Variants in RAPGEF4 observed in about 807,000 individuals in gnomAD.
The protein encoded by RAPGEF4 is RAP guanine-nucleotide-exchange factor (GEF) 4.
Under a neutral mutation model 147.9 loss-of-function variants are expected in RAPGEF4, and 66 were observed. That is an observed-to-expected ratio of 0.45 (90% confidence interval 0.37 to 0.55). The LOEUF (loss-of-function observed/expected upper bound fraction) is 0.55, where lower values mean the gene tolerates loss of function less well. Ranked by LOEUF, RAPGEF4 falls within the 20% of genes least tolerant of loss-of-function variation. RAPGEF4 has a pLI of 0.00. For synonymous variants in RAPGEF4, 419 were observed against 442.7 expected, an observed-to-expected ratio of 0.95 and a Z score of 0.67; for missense variants, 1,071 against 1,257.3, an observed-to-expected ratio of 0.85 and a Z score of 2.24.
chr2:172,886,917 G>A lies in RAPGEF4; in HGVS notation c.445-30885G>A, dbSNP rs568664262. Among the ~76,000 whole-genome samples the A allele has an allele frequency of 1.8e-3, 268 of 152,318 alleles. 3 individuals carry two copies. In the Middle Eastern group the frequency reaches 0.027, roughly 15 times the overall value. ...TAATTTGAAAAATTGGCCGGGCGCG[G>A]TGGCTCTTGCCTGTAATCCCAGCAC... On this transcript the variant is annotated intron_variant, in intron 4 of 30. Transcript: ENST00000397081.
chr2:173,018,817 T>C lies in RAPGEF4; in HGVS notation c.2155+15T>C, dbSNP rs1161679679. ...TTCCGGAGGAGGTAACAGTCTTAAT[T>C]CATATTTTAGGCTCTGCAAAATGGG... On this transcript the variant is annotated intron_variant, in intron 22 of 30. Coordinates refer to ENST00000397081, the MANE Select transcript of RAPGEF4 (RefSeq NM_007023.4). 2 of 1,611,800 alleles carry C rather than the reference T, an allele frequency of 1.2e-6. No individual in the cohort carries two copies. Among genetic ancestry groups the C allele is most frequent in the Non-Finnish European group, 8.5e-7 (1 of 1,178,936 alleles).
rs777524742 is a variant in RAPGEF4 at position 172,985,475 on chromosome 2, G to A, written c.1132G>A (p.Ala378Thr). The change falls in exon 12 of 31, where the codon GCC becomes ACC. Residue 378 changes from alanine (A) to threonine (T), a missense_variant. Coordinates refer to ENST00000397081, the MANE Select transcript of RAPGEF4 (RefSeq NM_007023.4). Reference protein sequence around the residue: ...LAGVLIFESHAKGGTVLFNQG... With the variant: ...LAGVLIFESHTKGGTVLFNQG... ...AGGTGTTCTCATTTTTGAGTCTCAC[G>A]CCAAAGGAGGGACTGTGTGTAAGTG... is the stretch of plus-strand genomic sequence containing the variant. The A allele has an allele frequency of 5.6e-6, 9 of 1,613,848 alleles. No homozygotes were observed. Among genetic ancestry groups the A allele is most frequent in the Admixed American group, 1.7e-5 (1 of 59,950 alleles).
chr2:173,030,838 G>A (rs1697124648), intron 26 of RAPGEF4, among the ~76,000 whole-genome samples: 2 of 152,178 alleles, frequency 1.3e-5, no homozygotes, highest in South Asian at 4.1e-4. Flanking sequence ...GTGAGTCTCT[G>A]TAGCAAATAT....
Position 173,051,759 on chromosome 2 carries a change from C to T in RAPGEF4, c.3028C>T (p.Arg1010Ter), listed in dbSNP as rs761012829. 9.9e-6 allele frequency: 16 copies of T among 1,613,372 alleles called. No individual in the cohort carries two copies. The highest frequency in any genetic ancestry group is 1.6e-4 in the Middle Eastern group (1 of 6,084). ...GATGTCACACAGATTAGAGCCTCGTCGACCATAGACATTTCAAATGCCCAA... is the reference window on the plus strand; with the variant it reads ...GATGTCACACAGATTAGAGCCTCGTTGACCATAGACATTTCAAATGCCCAA... ...SQMSHRLEPRRP is the reference protein window; with the variant it reads ...SQMSHRLEPR Residue 1010 changes from arginine to a stop codon, truncating the protein, a stop_gained, in exon 31 of 31, where the codon CGA becomes TGA. Coordinates refer to ENST00000397081, the MANE Select transcript of RAPGEF4 (RefSeq NM_007023.4). LOFTEE classifies it high-confidence loss of function.
chr2:172,754,435 T>C (rs1421420239), intron 1 of RAPGEF4, among the ~76,000 whole-genome samples: 1 of 152,220 alleles, frequency 6.6e-6, no homozygotes, highest in Non-Finnish European at 1.5e-5. Context: ...GATGGAGAGA[T>C]ATCTATAGAA....
chr2:172,821,964 T>C (rs1689115523), intron 4 of RAPGEF4: 1 of 1,613,760 alleles, frequency 6.2e-7, no homozygotes, highest in Non-Finnish European at 8.5e-7. Context: ...AAGAAGGACG[T>C]ATGCTCTACA....
rs1326702485 is a variant in RAPGEF4, at chr2:172,860,096, G to A, written c.444+45671G>A. 13 of 985,170 alleles carry A rather than the reference G, an allele frequency of 1.3e-5. No individual in the cohort carries two copies. In the South Asian group the frequency reaches 1.4e-4, roughly 11 times the overall value. 61.0% of individuals were successfully genotyped at this position (985,170 alleles called of 1,614,324 possible). On this transcript the variant is annotated intron_variant, in intron 4 of 30. Coordinates refer to ENST00000397081, the MANE Select transcript of RAPGEF4 (RefSeq NM_007023.4). ...GGCTAAAGAAAGGTAGGATGCATAC[G>A]CAGAAACATTAGTGCTAATATGCTG... is the stretch of plus-strand genomic sequence containing the variant.
chr2:172,913,466 C>A lies in RAPGEF4; in HGVS notation c.445-4336C>A, dbSNP rs563109894. On this transcript the variant is annotated intron_variant, in intron 4 of 30. Coordinates refer to ENST00000397081, the MANE Select transcript of RAPGEF4 (RefSeq NM_007023.4). ...TTGTCTGGAGCCTCATCTGCGAATA[C>A]TTGAATGACAAAAGTGACTTGAGTG... Among the ~76,000 whole-genome samples the A allele has an allele frequency of 3.3e-5, 5 of 152,300 alleles. No individual in the cohort carries two copies. In the South Asian group the frequency reaches 8.3e-4, roughly 25 times the overall value.
Position 172,877,538 on chromosome 2 carries a change from A to G in RAPGEF4, c.445-40264A>G, listed in dbSNP as rs569771424. ...TCAGAACTTAAAGTATAAAAAAAAA[A>G]AAAAGAAAAGAAATGAGTTTAAAGT... On this transcript the variant is annotated intron_variant, in intron 4 of 30. Transcript: ENST00000397081. Among the ~76,000 whole-genome samples the G allele has an allele frequency of 5.3e-5, 8 of 152,182 alleles. No individual in the cohort carries two copies. In the East Asian group the frequency reaches 5.8e-4, roughly 11 times the overall value.
chr2:172,949,800 T>C (rs573699844), intron 6 of RAPGEF4, among the ~76,000 whole-genome samples: 1 of 152,352 alleles, frequency 6.6e-6, no homozygotes, highest in East Asian at 1.9e-4. Context: ...GCACAGGTAT[T>C]TTTATTCAAA....
intron 4 of RAPGEF4, among the ~76,000 whole-genome samples, chr2:172,817,903 TTA>T (rs199874683): frequency 0.1 from 14,757 of 144,416 alleles, 903 homozygotes; most frequent in East Asian, 0.25. Flanking sequence ...TATATCACAA[TTA>T]TATATATATA....
chr2:172,861,011 C>T (rs1283371098), intron 4 of RAPGEF4, among the ~76,000 whole-genome samples: 1 of 152,102 alleles, frequency 6.6e-6, no homozygotes, highest in Non-Finnish European at 1.5e-5. Context: ...AAAGTTTTTG[C>T]CTCAAATCTC....
intron 4 of RAPGEF4, among the ~76,000 whole-genome samples, chr2:172,864,190 C>T (rs1383356256): frequency 2.0e-5 from 3 of 152,014 alleles, no homozygotes; most frequent in South Asian, 2.1e-4. Context: ...TTTTCACAAA[C>T]GAGGATGAGA....
At chr2:172,818,671 G>A (rs139446592) in intron 4 of RAPGEF4, among the ~76,000 whole-genome samples, 129 of 152,294 alleles carry the variant, frequency 8.5e-4, no homozygotes, top group African/African-American at 3.0e-3. Context: ...TCAGGATTCT[G>A]TGTTGCTTCT....
intron 4 of RAPGEF4, among the ~76,000 whole-genome samples, chr2:172,914,013 T>C (rs1057457483): frequency 5.9e-5 from 9 of 152,346 alleles, no homozygotes; most frequent in African/African-American, 2.2e-4. Flanking sequence ...CACCATGCTG[T>C]AGTTTGCTTT....
chr2:172,953,096 T>A (rs2592940), intron 6 of RAPGEF4, among the ~76,000 whole-genome samples: 145,245 of 152,076 alleles, frequency 0.96, 69,744 homozygotes, highest in East Asian at 1. Flanking sequence ...CTCTTCTTAC[T>A]GTCAGATACA....
rs369673287 is a variant in RAPGEF4, at chr2:173,032,666, AGTCTT to A, written c.2650-1247_2650-1243del. ...TAGTCTCCCCTAAGTGAGGGCATCAAGTCTTCCTGAACCCTAACTTGAAATGCCAG... is the reference window on the plus strand; with the variant it reads ...TAGTCTCCCCTAAGTGAGGGCATCAACCTGAACCCTAACTTGAAATGCCAG... On this transcript the variant is annotated intron_variant, in intron 26 of 30. Coordinates refer to ENST00000397081, the MANE Select transcript of RAPGEF4 (RefSeq NM_007023.4). Among the ~76,000 whole-genome samples, 357 of 152,336 alleles carry A rather than the reference AGTCTT, an allele frequency of 2.3e-3. 2 individuals are homozygous for A. The highest frequency in any genetic ancestry group is 8.3e-3 in the African/African-American group (347 of 41,580).
chr2:173,028,551 T>G (rs1696876137), intron 25 of RAPGEF4, among the ~76,000 whole-genome samples: 1 of 151,936 alleles, frequency 6.6e-6, no homozygotes, highest in African/African-American at 2.4e-5. Flanking sequence ...CACCCAGGAC[T>G]TTTTTTTATA....
chr2:172,846,898 A>G (rs113717195), intron 4 of RAPGEF4, among the ~76,000 whole-genome samples: 2 of 152,166 alleles, frequency 1.3e-5, no homozygotes, highest in African/African-American at 4.8e-5. Context: ...CCATTCCATC[A>G]TGAGTTTCCA....
Sources: allele counts gnomAD v4.1 joint callset (sites outside exome capture counted in the v4.1 genomes callset), GRCh38; gene constraint gnomAD v4.1.1; transcripts MANE v1.5; gene names NCBI Gene and HGNC (gene_info 2026-07-23, HGNC 2026-07-21).